Variants in ELAVL2 observed in about 807,000 individuals in gnomAD.
The protein encoded by ELAVL2 is ELAV like RNA binding protein 2.
In ELAVL2, 4 loss-of-function variants were observed where a neutral mutation model predicts 34.6. That is an observed-to-expected ratio of 0.12 (90% CI 0.06 to 0.26). The LOEUF (loss-of-function observed/expected upper bound fraction) is 0.26, where lower values mean the gene tolerates loss of function less well. Ranked by LOEUF, ELAVL2 falls within the 10% of genes least tolerant of loss-of-function variation. The probability of loss-of-function intolerance (pLI) is 1.00; values close to 1 mark genes in which losing one functional copy is unlikely to be tolerated. For missense variants in ELAVL2, 432 were observed against 442.8 expected, an observed-to-expected ratio of 0.98 and a Z score of 0.22; for synonymous variants, 193 against 154.8, an observed-to-expected ratio of 1.25 and a Z score of -1.83.
rs370591770 is a variant in ELAVL2, at chr9:23,789,069, AAT to A, written c.-15-26822_-15-26821del. ...GTATTCTTATAGAGGGCAGTGTAAG[AAT>A]ATAGTCCCCCAATTTTTTCCTTCTT... On this transcript the variant is annotated intron_variant, in intron 1 of 6. Coordinates refer to ENST00000397312, the MANE Select transcript of ELAVL2 (RefSeq NM_004432.5). Among the ~76,000 whole-genome samples, 492 of 152,336 alleles carry A rather than the reference AAT, an allele frequency of 3.2e-3. 3 individuals are homozygous for A. Among genetic ancestry groups the A allele is most frequent in the African/African-American group, 0.011 (453 of 41,570 alleles).
At chr9:23,695,961 A>C (rs1325320165) in intron 5 of ELAVL2, among the ~76,000 whole-genome samples, 1 of 152,138 alleles carries the variant, frequency 6.6e-6, no homozygotes, top group Non-Finnish European at 1.5e-5. Flanking sequence ...GGAGGTTTCG[A>C]ATTTTTTATA....
At chr9:23,781,699 T>C (rs1163186616) in intron 1 of ELAVL2, among the ~76,000 whole-genome samples, 1 of 151,714 alleles carries the variant, frequency 6.6e-6, no homozygotes, top group Non-Finnish European at 1.5e-5. Context: ...AATCTTTTTT[T>C]GTTTGTTTTT....
chr9:23,850,529 T>A, the ELAVL2 span, among the ~76,000 whole-genome samples: 1 of 151,690 alleles, frequency 6.6e-6, no homozygotes, highest in Non-Finnish European at 1.5e-5. Context: ...TGGGTGCACC[T>A]CATTAAGCCA....
chr9:23,745,514 A>T (rs1336701086), intron 2 of ELAVL2, among the ~76,000 whole-genome samples: 1 of 152,154 alleles, frequency 6.6e-6, no homozygotes, highest in African/African-American at 2.4e-5. Context: ...GAACAATTAC[A>T]TTTACAATTC....
intron 2 of ELAVL2, among the ~76,000 whole-genome samples, chr9:23,753,773 T>C (rs943847309): frequency 2.0e-5 from 3 of 152,102 alleles, no homozygotes; most frequent in Non-Finnish European, 2.9e-5. Flanking sequence ...AAACAAAGAC[T>C]ACCCCCCAGA....
Position 23,752,788 on chromosome 9 carries a change from T to C in ELAVL2, c.229+9218A>G, listed in dbSNP as rs141886969. ...CTTATAAACACAGCTTAAATACTTC[T>C]GTCTTGCTTTTTTCCCCCTTAAAGG... On this transcript the variant is annotated intron_variant, in intron 2 of 6. Transcript: ENST00000397312. 9.4e-3 allele frequency among the ~76,000 whole-genome samples: 1,431 copies of C among 152,296 alleles called. 17 individuals carry two copies. The highest frequency in any genetic ancestry group is 0.032 in the African/African-American group (1,317 of 41,568).
chr9:23,769,318 C>T (rs1029482659), intron 1 of ELAVL2, among the ~76,000 whole-genome samples: 3 of 152,122 alleles, frequency 2.0e-5, no homozygotes, highest in African/African-American at 7.2e-5. Flanking sequence ...GTCATATGAG[C>T]TTATAGATGA....
chr9:23,750,183 C>A (rs2051566740), intron 2 of ELAVL2, among the ~76,000 whole-genome samples: 1 of 151,976 alleles, frequency 6.6e-6, no homozygotes, highest in Admixed American at 6.6e-5. Context: ...GAGTAAGAAA[C>A]TAACCCCAGA....
chr9:23,713,638 G>T (rs1368099613), intron 3 of ELAVL2, among the ~76,000 whole-genome samples: 1 of 152,118 alleles, frequency 6.6e-6, no homozygotes, highest in Non-Finnish European at 1.5e-5. Context: ...TCAGAAATGA[G>T]CCTGCATTTA....
chr9:23,728,307 T>C (rs1419823044), intron 3 of ELAVL2, among the ~76,000 whole-genome samples: 1 of 152,112 alleles, frequency 6.6e-6, no homozygotes, highest in South Asian at 2.1e-4. Context: ...CAGAATTCCT[T>C]TAGATGGGCT....
chr9:23,792,731 T>C (rs2060468368), intron 1 of ELAVL2, among the ~76,000 whole-genome samples: 1 of 152,188 alleles, frequency 6.6e-6, no homozygotes, highest in African/African-American at 2.4e-5. Flanking sequence ...AACCATCCTC[T>C]GAATCTGTTG....
Position 23,691,604 on chromosome 9 carries a change from A to G in ELAVL2, c.*953T>C, listed in dbSNP as rs749321963. On this transcript the variant is annotated 3_prime_UTR_variant, in exon 7 of 7. Transcript: ENST00000397312. ...TTTTTTTATTTGTTTCAAAATCACA[A>G]ATCAATGTGAGCCACCTATCACATA... 2 of 152,488 alleles carry G rather than the reference A, an allele frequency of 1.3e-5. No homozygotes were observed. Among genetic ancestry groups the G allele is most frequent in the Non-Finnish European group, 2.9e-5 (2 of 67,998 alleles). 9.4% of individuals were successfully genotyped at this position (152,488 alleles called of 1,614,324 possible).
chr9:23,819,597 G>C (rs2064234895), intron 1 of ELAVL2, among the ~76,000 whole-genome samples: 1 of 152,118 alleles, frequency 6.6e-6, no homozygotes, highest in South Asian at 2.1e-4. Flanking sequence ...AACACCTACA[G>C]ATAAGGAAGA....
At chr9:23,747,354 A>G (rs2050756244) in intron 2 of ELAVL2, among the ~76,000 whole-genome samples, 1 of 152,110 alleles carries the variant, frequency 6.6e-6, no homozygotes. Flanking sequence ...TCCATTTAAT[A>G]TTTTAACACT....
the ELAVL2 span, among the ~76,000 whole-genome samples, chr9:23,849,163 T>C: frequency 2.0e-5 from 3 of 152,152 alleles, no homozygotes; most frequent in African/African-American, 7.2e-5. Context: ...CCATGGAATA[T>C]ACCTCCTATT....
At chr9:23,812,728 C>T (rs2063172079) in intron 1 of ELAVL2, among the ~76,000 whole-genome samples, 1 of 149,578 alleles carries the variant, frequency 6.7e-6, no homozygotes, top group Admixed American at 6.7e-5. Flanking sequence ...TGAGCATACA[C>T]TTATACTAAC....
chr9:23,744,662 A>T (rs1293640557), intron 2 of ELAVL2, among the ~76,000 whole-genome samples: 1 of 152,092 alleles, frequency 6.6e-6, no homozygotes, highest in East Asian at 1.9e-4. Context: ...TTCTAGCAAG[A>T]AAACATATAT....
chr9:23,814,093 C>T (rs751704973), intron 1 of ELAVL2, among the ~76,000 whole-genome samples: 1 of 152,090 alleles, frequency 6.6e-6, no homozygotes, highest in Non-Finnish European at 1.5e-5. Flanking sequence ...AACCGTAAAT[C>T]AACAACTCAC....
At chr9:23,814,443 G>A (rs2063435554) in intron 1 of ELAVL2, among the ~76,000 whole-genome samples, 2 of 152,172 alleles carry the variant, frequency 1.3e-5, no homozygotes, top group African/African-American at 2.4e-5. Context: ...AAAGAGGGGA[G>A]GAAGGCTGTG....
Sources: gnomAD v4.1 joint callset for allele counts (sites outside exome capture counted in the v4.1 genomes callset) on GRCh38, gnomAD v4.1.1 for gene constraint, MANE v1.5 for transcripts, NCBI Gene and HGNC (gene_info 2026-07-23, HGNC 2026-07-21) for gene names.